KSR2: variants seen among roughly 807,000 people sequenced by gnomAD.
KSR2 encodes kinase suppressor of ras 2.
In KSR2, 25 loss-of-function variants were observed where a neutral mutation model predicts 107.8. That is an observed-to-expected ratio of 0.23 (90% CI 0.17 to 0.32). KSR2 has a LOEUF of 0.32. Among genes scored for constraint, KSR2 ranks in the 10% least tolerant of loss-of-function variants. The pLI, the probability that KSR2 is intolerant of heterozygous loss-of-function variation, is 1.00. For missense variants in KSR2, 887 were observed against 1,268.9 expected (o/e 0.70, Z 4.57); for synonymous variants, 480 against 507.0 (o/e 0.95, Z 0.71).
At chr12:117,650,852 A>C (rs1020723517) in intron 5 of KSR2, among the ~76,000 whole-genome samples, 1 of 152,212 alleles carries the variant, frequency 6.6e-6, no homozygotes, top group African/African-American at 2.4e-5. Flanking sequence ...CTGAACCTCA[A>C]ATCTACTAAG....
At position 117,708,375 on chromosome 12, in the gene KSR2, TC is replaced by T. The variant is rs553008431; in HGVS notation, c.987-40718del. Among the ~76,000 whole-genome samples the T allele has an allele frequency of 4.8e-3, 728 of 152,134 alleles. 9 individuals are homozygous for T. Among genetic ancestry groups the T allele is most frequent in the Admixed American group, 4.3e-3 (66 of 15,280 alleles). ...GAACCAGGAGGTAGTGGCTGAGATT[TC>T]CCCCACTAGAGATGAAGGGACCTGC... is the stretch of plus-strand genomic sequence containing the variant. On this transcript the variant is annotated intron_variant, in intron 4 of 19. Coordinates refer to ENST00000339824, the MANE Select transcript of KSR2 (RefSeq NM_173598.6).
chr12:117,742,688 A>G (rs1350748184), intron 4 of KSR2, among the ~76,000 whole-genome samples: 1 of 152,240 alleles, frequency 6.6e-6, no homozygotes, highest in Admixed American at 6.5e-5. Context: ...GCAAGTCTGA[A>G]ATAATGTCAA....
intron 1 of KSR2, among the ~76,000 whole-genome samples, chr12:117,863,084 C>T (rs1024970030): frequency 5.3e-5 from 8 of 152,160 alleles, no homozygotes; most frequent in African/African-American, 1.7e-4. Context: ...AGGAACCTCC[C>T]TTCTTTGGCC....
At chr12:117,859,290 C>T (rs934497624) in intron 2 of KSR2, among the ~76,000 whole-genome samples, 1 of 151,582 alleles carries the variant, frequency 6.6e-6, no homozygotes, top group Non-Finnish European at 1.5e-5. Context: ...GGACTGCAGG[C>T]GTGCACCACC....
chr12:117,482,593 C>T (rs1046275216), intron 16 of KSR2, among the ~76,000 whole-genome samples: 1 of 152,158 alleles, frequency 6.6e-6, no homozygotes, highest in Non-Finnish European at 1.5e-5. Context: ...AGACCAGAAG[C>T]CACCTTGCCC....
intron 9 of KSR2, among the ~76,000 whole-genome samples, chr12:117,548,444 C>T (rs567980492): frequency 6.6e-6 from 1 of 152,222 alleles, no homozygotes; most frequent in East Asian, 1.9e-4. Context: ...TTATAATTTT[C>T]TTAATAACAT....
rs148801761 is a variant in KSR2 at position 117,485,416 on chromosome 12, G to A, written c.2316+179C>T. On this transcript the variant is annotated intron_variant, in intron 15 of 19. Coordinates refer to ENST00000339824, the MANE Select transcript of KSR2 (RefSeq NM_173598.6). Reference sequence around the variant, plus strand: ...GATAGTTCCTAAAGATCGTATCGAGGCAGAATTCTTACTTATACATGGCCT... The same window carrying A: ...GATAGTTCCTAAAGATCGTATCGAGACAGAATTCTTACTTATACATGGCCT... Among the ~76,000 whole-genome samples, 669 of 152,278 alleles carry A rather than the reference G, an allele frequency of 4.4e-3. 3 individuals are homozygous for A. The highest frequency in any genetic ancestry group is 0.016 in the African/African-American group (646 of 41,536).
chr12:117,620,578 C>A (rs1223616228), intron 5 of KSR2, among the ~76,000 whole-genome samples: 2 of 152,146 alleles, frequency 1.3e-5, no homozygotes, highest in South Asian at 4.1e-4. Flanking sequence ...ACTATTGAAG[C>A]TTATGCACTC....
intron 7 of KSR2, among the ~76,000 whole-genome samples, chr12:117,570,494 C>T (rs910367822): frequency 6.6e-6 from 1 of 152,180 alleles, no homozygotes; most frequent in Non-Finnish European, 1.5e-5. Context: ...AAGAAGTTGG[C>T]TGATTCAGAA....
intron 3 of KSR2, among the ~76,000 whole-genome samples, chr12:117,810,546 C>A (rs1332625024): frequency 2.0e-5 from 3 of 152,170 alleles, no homozygotes; most frequent in Non-Finnish European, 4.4e-5. Flanking sequence ...CCCCTGGGCT[C>A]AAGAGATTCT....
intron 3 of KSR2, 80 bp from the exon 4 acceptor site, chr12:117,761,604 C>A: frequency 7.5e-7 from 1 of 1,324,626 alleles, no homozygotes; most frequent in South Asian, 1.2e-5. Context: ...ACCATTACAT[C>A]ATACACACAT....
intron 16 of KSR2, among the ~76,000 whole-genome samples, chr12:117,476,852 A>G (rs1243947669): frequency 6.6e-6 from 1 of 152,174 alleles, no homozygotes; most frequent in East Asian, 1.9e-4. Flanking sequence ...ATCTTCATTC[A>G]ATGACAGTGT....
At chr12:117,519,958 A>G (rs1432335302) in intron 14 of KSR2, among the ~76,000 whole-genome samples, 1 of 152,160 alleles carries the variant, frequency 6.6e-6, no homozygotes, top group Non-Finnish European at 1.5e-5. Flanking sequence ...GCACTTACTA[A>G]AAAGGATAGA....
At chr12:117,866,377 A>G (rs1893471747) in intron 1 of KSR2, among the ~76,000 whole-genome samples, 1 of 152,232 alleles carries the variant, frequency 6.6e-6, no homozygotes, top group South Asian at 2.1e-4. Context: ...ACACAGTCTC[A>G]GAGCCTTGGG....
rs58896782 is a variant in KSR2 at position 117,645,868 on chromosome 12, C to CGTGTGTGT, written c.1171+21598_1171+21605dup. Among the ~76,000 whole-genome samples the CGTGTGTGT allele has an allele frequency of 3.0e-4, 43 of 142,158 alleles. 1 individual carries two copies. Among genetic ancestry groups the CGTGTGTGT allele is most frequent in the African/African-American group, 1.0e-3 (38 of 38,096 alleles). The allele number at this position is 142,158 out of a possible 152,430, so 93.3% of individuals were successfully genotyped here. On this transcript the variant is annotated intron_variant, in intron 5 of 19. Transcript: ENST00000339824. Reference sequence around the variant, plus strand: ...CTTCTGGAATGTGCATGTGTATGTGCGTGTGTGTGTGTGTGTGTGTGTGTG... The same window carrying CGTGTGTGT: ...CTTCTGGAATGTGCATGTGTATGTGCGTGTGTGTGTGTGTGTGTGTGTGTGTGTGTGTG...
chr12:117,878,738 A>G (rs1323416443), intron 1 of KSR2, among the ~76,000 whole-genome samples: 2 of 152,218 alleles, frequency 1.3e-5, no homozygotes, highest in African/African-American at 4.8e-5. Flanking sequence ...ATCTGGGATA[A>G]AACACACATG....
At chr12:117,910,025 C>T (rs867663250) in intron 1 of KSR2, among the ~76,000 whole-genome samples, 105 of 151,928 alleles carry the variant, frequency 6.9e-4, no homozygotes, top group African/African-American at 2.2e-3. Flanking sequence ...GCCAGGAGTT[C>T]GAAACCAACC....
chr12:117,741,154 T>C (rs957488538), intron 4 of KSR2, among the ~76,000 whole-genome samples: 2 of 152,116 alleles, frequency 1.3e-5, no homozygotes, highest in East Asian at 3.9e-4. Flanking sequence ...AATTTGAGCA[T>C]CAAAATAAAT....
chr12:117,533,176 A>G (rs1310420293), intron 10 of KSR2, among the ~76,000 whole-genome samples: 1 of 152,252 alleles, frequency 6.6e-6, no homozygotes, highest in East Asian at 1.9e-4. Flanking sequence ...CTTAACTAAT[A>G]GACAAGAATG....
Sources: gnomAD v4.1 joint callset for allele counts (sites outside exome capture counted in the v4.1 genomes callset) on GRCh38, gnomAD v4.1.1 for gene constraint, MANE v1.5 for transcripts, NCBI Gene and HGNC (gene_info 2026-07-23, HGNC 2026-07-21) for gene names.